The following CD247 variants were observed in gnomAD, a reference collection of about 807,000 sequenced individuals.
CD247 encodes CD247 molecule, also known as T-cell surface glycoprotein CD3 zeta chain.
In CD247, 13 loss-of-function variants were observed where a neutral mutation model predicts 30.0. That is an observed-to-expected ratio of 0.43 (90% CI 0.28 to 0.69). CD247 has a LOEUF of 0.69. Among genes scored for constraint, CD247 ranks in the 30% least tolerant of loss-of-function variants. The pLI, the probability that CD247 is intolerant of heterozygous loss-of-function variation, is 0.16. For missense variants in CD247, 193 were observed against 212.6 expected (o/e 0.91, Z 0.57); for synonymous variants, 72 against 80.0 (o/e 0.90, Z 0.53).
chr1:167,511,748 C>G (rs1655395861), intron 1 of CD247, among the ~76,000 whole-genome samples: 2 of 152,146 alleles, frequency 1.3e-5, no homozygotes, highest in South Asian at 4.1e-4. Flanking sequence ...GGGCGAGCGG[C>G]TGCACACTGT....
chr1:167,480,635 T>C (rs1406218711), intron 1 of CD247, among the ~76,000 whole-genome samples: 1 of 152,184 alleles, frequency 6.6e-6, no homozygotes, highest in African/African-American at 2.4e-5. Context: ...AGGGACATAG[T>C]TTGGAGGATG....
At chr1:167,511,988 G>T (rs1655406643) in intron 1 of CD247, among the ~76,000 whole-genome samples, 1 of 152,162 alleles carries the variant, frequency 6.6e-6, no homozygotes, top group Non-Finnish European at 1.5e-5. Context: ...GAGAACGGCG[G>T]TCTGGACTGG....
intron 1 of CD247, among the ~76,000 whole-genome samples, chr1:167,483,158 G>A (rs371983639): frequency 2.6e-5 from 4 of 151,920 alleles, no homozygotes; most frequent in East Asian, 3.9e-4. Flanking sequence ...ATAGGCATGC[G>A]CCACCATGCC....
At chr1:167,431,892 C>A in intron 7 of CD247, 146 bp from the exon 8 acceptor site, 1 of 723,476 alleles carries the variant, frequency 1.4e-6, no homozygotes, top group Non-Finnish European at 2.5e-6. Context: ...TCCCCCTGGC[C>A]CCACGGGCAG....
At chr1:167,444,483 G>A (rs1448383197) in intron 1 of CD247, among the ~76,000 whole-genome samples, 1 of 152,166 alleles carries the variant, frequency 6.6e-6, no homozygotes, top group Non-Finnish European at 1.5e-5. Flanking sequence ...TTTATTTAAT[G>A]TTCCTGATCC....
chr1:167,432,267 G>A (rs970657314), intron 7 of CD247, among the ~76,000 whole-genome samples: 1 of 152,282 alleles, frequency 6.6e-6, no homozygotes, highest in South Asian at 2.1e-4. Flanking sequence ...TCTTGGTCAC[G>A]AACAGGCCCA....
chr1:167,457,041 C>A (rs894076655), intron 1 of CD247, among the ~76,000 whole-genome samples: 3 of 152,184 alleles, frequency 2.0e-5, no homozygotes, highest in African/African-American at 7.2e-5. Context: ...TTCTGAGGAC[C>A]GGCTTGGTGG....
chr1:167,435,565 G>T, intron 4 of CD247, 131 bp from the exon 5 acceptor site: 1 of 773,342 alleles, frequency 1.3e-6, no homozygotes, highest in Non-Finnish European at 2.3e-6. Context: ...TCCTCCCTGT[G>T]CTACCCCAGC....
At chr1:167,457,668 C>T (rs1652766707) in intron 1 of CD247, 1 of 152,336 alleles carries the variant, frequency 6.6e-6, no homozygotes, top group Admixed American at 6.5e-5. Context: ...TTGATGGTCT[C>T]CAAGCCTTTC....
rs533943353 is a variant in CD247, at chr1:167,505,894, T to TCA, written c.58+12512_58+12513dup. On this transcript the variant is annotated intron_variant, in intron 1 of 7. Coordinates refer to ENST00000362089, the MANE Select transcript of CD247 (RefSeq NM_198053.3). ...GCTGTCATTCTAGTGTAGGGTCTCA[T>TCA]CACACACACCTGAGACCCAAGTGGC... is the stretch of plus-strand genomic sequence containing the variant. Among the ~76,000 whole-genome samples the TCA allele has an allele frequency of 9.3e-4, 142 of 152,320 alleles. 1 individual carries two copies. The highest frequency in any genetic ancestry group is 4.8e-3 in the South Asian group (23 of 4,822).
At chr1:167,482,203 C>T (rs12141731) in intron 1 of CD247, among the ~76,000 whole-genome samples, 40,426 of 152,086 alleles carry the variant, frequency 0.27, 6,262 homozygotes, top group East Asian at 0.48. Flanking sequence ...CTGGAGACAA[C>T]GCCATCCCTG....
intron 1 of CD247, 34 bp downstream of exon 1, chr1:167,518,374 T>C (rs757204304): frequency 1.1e-5 from 18 of 1,609,942 alleles, no homozygotes; most frequent in Non-Finnish European, 1.4e-5. Flanking sequence ...AAAGAGTTTC[T>C]AGAAGTTCCC....
chr1:167,463,534 T>C (rs1164322126), intron 1 of CD247, among the ~76,000 whole-genome samples: 1 of 152,250 alleles, frequency 6.6e-6, no homozygotes, highest in Non-Finnish European at 1.5e-5. Context: ...GTTAGTCTGC[T>C]GGGATATTTA....
At chr1:167,489,589 C>T (rs181893933) in intron 1 of CD247, among the ~76,000 whole-genome samples, 249 of 152,276 alleles carry the variant, frequency 1.6e-3, no homozygotes, top group African/African-American at 5.4e-3. Flanking sequence ...AGACATGGGA[C>T]GCAAACCCAG....
Position 167,431,238 on chromosome 1 carries a change from T to G in CD247, c.*443A>C. 3 of 491,010 alleles carry G rather than the reference T, an allele frequency of 6.1e-6. No individual in the cohort carries two copies. Among genetic ancestry groups the G allele is most frequent in the South Asian group, 4.6e-5 (1 of 21,780 alleles). 30.4% of individuals were successfully genotyped at this position (491,010 alleles called of 1,614,324 possible). On this transcript the variant is annotated 3_prime_UTR_variant, in exon 8 of 8. Coordinates refer to ENST00000362089, the MANE Select transcript of CD247 (RefSeq NM_198053.3). ...CCAGTACAGTTACCTTGAAAGGAGG[T>G]GAAGGTGACAACAGAAGCCAAATTT...
chr1:167,432,168 C>CT (rs2101984228), intron 7 of CD247, among the ~76,000 whole-genome samples: 1 of 152,348 alleles, frequency 6.6e-6, no homozygotes, highest in South Asian at 2.1e-4. Flanking sequence ...CAAAGGAAGC[C>CT]TGGACTTGTC....
intron 1 of CD247, among the ~76,000 whole-genome samples, chr1:167,504,210 C>T (rs1201461612): frequency 6.6e-6 from 1 of 152,124 alleles, no homozygotes; most frequent in African/African-American, 2.4e-5. Flanking sequence ...AATAAAAGTG[C>T]CACAGGATTA....
intron 1 of CD247, among the ~76,000 whole-genome samples, chr1:167,490,244 C>T (rs1654389482): frequency 6.6e-6 from 1 of 152,242 alleles, no homozygotes; most frequent in Admixed American, 6.5e-5. Flanking sequence ...AGCTTCTCCA[C>T]CTTCCCCGTC....
At chr1:167,464,825 A>C (rs932424358) in intron 1 of CD247, among the ~76,000 whole-genome samples, 1 of 152,176 alleles carries the variant, frequency 6.6e-6, no homozygotes, top group Non-Finnish European at 1.5e-5. Flanking sequence ...GACAAAAGCA[A>C]AGGGAAAGAA....
Sources: allele counts gnomAD v4.1 joint callset (sites outside exome capture counted in the v4.1 genomes callset), GRCh38; gene constraint gnomAD v4.1.1; transcripts MANE v1.5; gene names NCBI Gene and HGNC (gene_info 2026-07-23, HGNC 2026-07-21).